PCDH15: variants seen among roughly 807,000 people sequenced by gnomAD.
PCDH15 encodes the protein protocadherin-15.
A neutral mutation model predicts 178.5 loss-of-function variants in PCDH15; 129 were observed. The ratio of observed to expected loss-of-function variants is 0.72; its 90% CI spans 0.63 to 0.84. The LOEUF (loss-of-function observed/expected upper bound fraction) is 0.84, where lower values mean the gene tolerates loss of function less well. Ranked by LOEUF, PCDH15 falls within the 40% of genes least tolerant of loss-of-function variation. The pLI is 0.00. For missense variants in PCDH15, 2,230 were observed against 2,099.9 expected (o/e 1.06, Z -1.21); for synonymous variants, 800 against 732.0 (o/e 1.09, Z -1.50).
rs577399326 is a variant in PCDH15, at chr10:54,972,568, G to T, written c.-79-75068C>A. Among the ~76,000 whole-genome samples, 10 of 151,548 alleles carry T rather than the reference G, an allele frequency of 6.6e-5. No individual in the cohort carries two copies. In the South Asian group the frequency reaches 1.9e-3, roughly 28 times the overall value. On this transcript the variant is annotated intron_variant, in intron 2 of 5. Transcript: ENST00000458638. ...AAAGATTAAAAAAAGAAAAATTCAG[G>T]CCATACGTGGTGGCTCACGCCTGTA...
At chr10:54,901,530 C>A (rs536273461) in intron 2 of PCDH15, among the ~76,000 whole-genome samples, 71 of 152,212 alleles carry the variant, frequency 4.7e-4, no homozygotes, top group African/African-American at 1.7e-3. Flanking sequence ...TATATTTTAG[C>A]AACTGACATA....
intron 2 of PCDH15, among the ~76,000 whole-genome samples, chr10:55,399,544 T>A (rs1302273365): frequency 6.6e-6 from 1 of 152,142 alleles, no homozygotes; most frequent in East Asian, 1.9e-4. Context: ...AAATTCTGCT[T>A]CAATCCCTAG....
rs531617228 is a variant in PCDH15 at position 54,092,757 on chromosome 10, T to A, written c.1918-2694A>T. Among the ~76,000 whole-genome samples the A allele has an allele frequency of 1.4e-4, 21 of 152,248 alleles. 2 individuals are homozygous for A. The highest frequency in any genetic ancestry group is 4.6e-4 in the African/African-American group (19 of 41,566). ...GCTAACATTTTGAAGAATCAGAGAA[T>A]TATATCTGGAGACTATATCTTAACC... On this transcript the variant is annotated intron_variant, in intron 15 of 37. Transcript: ENST00000644397.
chr10:54,460,017 A>T (rs932294861), intron 3 of PCDH15, among the ~76,000 whole-genome samples: 7 of 152,158 alleles, frequency 4.6e-5, no homozygotes, highest in Admixed American at 1.3e-4. Context: ...TCAAAATAAA[A>T]ACATACCCAA....
rs557632468 is a variant in PCDH15 at position 54,107,883 on chromosome 10, G to C, written c.1918-17820C>G. Among the ~76,000 whole-genome samples, 12 of 152,330 alleles carry C rather than the reference G, an allele frequency of 7.9e-5. No homozygotes were observed. In the East Asian group the frequency reaches 2.3e-3, roughly 29 times the overall value. ...GGAGGTCATTCAAGATGTCTGGAAT[G>C]GGAGGTCAGAACCCAAAGCAGGTAA... On this transcript the variant is annotated intron_variant, in intron 15 of 37. Transcript: ENST00000644397.
chr10:54,688,069 A>G (rs1430647510), intron 1 of PCDH15, among the ~76,000 whole-genome samples: 1 of 152,080 alleles, frequency 6.6e-6, no homozygotes, highest in African/African-American at 2.4e-5. Flanking sequence ...AAAATTTAAA[A>G]AAGTCTTCAC....
At chr10:55,563,705 G>T (rs1842246158) in intron 2 of PCDH15, among the ~76,000 whole-genome samples, 1 of 149,728 alleles carries the variant, frequency 6.7e-6, no homozygotes, top group Admixed American at 6.7e-5. Flanking sequence ...CCATTATAAT[G>T]GTGTCCAAAA....
At chr10:55,452,546 C>T (rs1049260276) in intron 2 of PCDH15, among the ~76,000 whole-genome samples, 3 of 152,150 alleles carry the variant, frequency 2.0e-5, no homozygotes, top group African/African-American at 7.2e-5. Flanking sequence ...TTCATTCTAG[C>T]ATTCAGAAAA....
intron 2 of PCDH15, among the ~76,000 whole-genome samples, chr10:54,655,334 G>GAGAAAGAGAGAA (rs2094376997): frequency 2.1e-5 from 3 of 142,700 alleles, no homozygotes; most frequent in African/African-American, 8.9e-5. Flanking sequence ...GAGAGAAAGA[G>GAGAAAGAGAGAA]AGAAAGAAAG....
chr10:55,183,702 A>G (rs1839715601), intron 1 of PCDH15, among the ~76,000 whole-genome samples: 1 of 151,914 alleles, frequency 6.6e-6, no homozygotes, highest in Admixed American at 6.6e-5. Flanking sequence ...TTGAAAAAGA[A>G]TGGTTTATGC....
chr10:54,004,219 T>C (rs967399906), intron 20 of PCDH15, among the ~76,000 whole-genome samples: 3 of 152,016 alleles, frequency 2.0e-5, no homozygotes, highest in Non-Finnish European at 2.9e-5. Context: ...TCCTGTACGA[T>C]CTGGGACACA....
chr10:54,828,796 T>G (rs565470256), intron 3 of PCDH15, among the ~76,000 whole-genome samples: 1 of 152,132 alleles, frequency 6.6e-6, no homozygotes, highest in South Asian at 2.1e-4. Flanking sequence ...ATATGGGTAG[T>G]GGCATGTTTA....
intron 2 of PCDH15, among the ~76,000 whole-genome samples, chr10:55,522,275 G>A (rs191601525): frequency 9.9e-5 from 15 of 151,782 alleles, no homozygotes; most frequent in Non-Finnish European, 1.6e-4. Context: ...GTTTTAATTC[G>A]CATTTCCTTG....
intron 2 of PCDH15, among the ~76,000 whole-genome samples, chr10:55,402,018 G>A (rs73257710): frequency 6.6e-6 from 1 of 151,986 alleles, no homozygotes; most frequent in Admixed American, 6.6e-5. Context: ...AAAAGATGAA[G>A]CAAAGAATGT....
intron 1 of PCDH15, among the ~76,000 whole-genome samples, chr10:54,781,172 A>AT (rs1950321995): frequency 1.3e-5 from 2 of 151,986 alleles, no homozygotes; most frequent in Non-Finnish European, 2.9e-5. Context: ...GAGATTATTT[A>AT]TTTTTTATTA....
rs535815437 is a variant in PCDH15 at position 54,722,111 on chromosome 10, A to G, written c.-28-57821T>C. 9.2e-5 allele frequency among the ~76,000 whole-genome samples: 14 copies of G among 152,016 alleles called. No individual in the cohort carries two copies. In the South Asian group the frequency reaches 2.5e-3, roughly 27 times the overall value. On this transcript the variant is annotated intron_variant, in intron 1 of 37. Coordinates refer to ENST00000644397, the MANE Select transcript of PCDH15 (RefSeq NM_001384140.1). The stretch of plus-strand genomic sequence containing the variant: ...TACCACATAAAGAGAACTAAAATAG[A>G]AAAAACATATGATTATCTCAAGAGA...
intron 15 of PCDH15, among the ~76,000 whole-genome samples, chr10:54,108,076 T>C (rs1380783192): frequency 6.6e-6 from 1 of 152,104 alleles, no homozygotes; most frequent in Non-Finnish European, 1.5e-5. Flanking sequence ...GACAGCAGTC[T>C]ACAGTGGGAT....
In PCDH15 at chr10:54,672,757, T is replaced by C. The variant is rs1262489101; in HGVS notation, c.-28-8467A>G. On this transcript the variant is annotated intron_variant, in intron 1 of 37. Transcript: ENST00000644397. ...ATTTTATTTTATATATGATCAATTA[T>C]ATACAATAAATTATTTTCTTATAAA... 2.0e-5 allele frequency among the ~76,000 whole-genome samples: 3 copies of C among 152,194 alleles called. No individual in the cohort carries two copies. In the East Asian group the frequency reaches 5.8e-4, roughly 29 times the overall value.
At chr10:55,081,941 C>A (rs1842049406) in intron 2 of PCDH15, among the ~76,000 whole-genome samples, 1 of 152,040 alleles carries the variant, frequency 6.6e-6, no homozygotes, top group Non-Finnish European at 1.5e-5. Context: ...ATTATTAGAG[C>A]TAAAGAGAGA....
Sources: gnomAD v4.1 joint callset for allele counts (sites outside exome capture counted in the v4.1 genomes callset) on GRCh38, gnomAD v4.1.1 for gene constraint, MANE v1.5 for transcripts, NCBI Gene and HGNC (gene_info 2026-07-23, HGNC 2026-07-21) for gene names.